C9: variants seen among roughly 807,000 people sequenced by gnomAD.
C9 encodes complement C9, also known as complement component C9.
Under a neutral mutation model 65.4 loss-of-function variants are expected in C9, and 63 were observed. That is an observed-to-expected ratio of 0.96 (90% CI 0.79 to 1.19). The LOEUF (loss-of-function observed/expected upper bound fraction) is 1.19. C9 is among the 50% of genes most tolerant of loss of function. The pLI, the probability that C9 is intolerant of heterozygous loss-of-function variation, is 0.00. For synonymous variants in C9, 229 were observed against 227.9 expected (o/e 1.00, Z -0.04); for missense variants, 744 against 670.1 (o/e 1.11, Z -1.22).
At chr5:39,320,896 T>C (rs1164087182) in intron 5 of C9, among the ~76,000 whole-genome samples, 1 of 152,016 alleles carries the variant, frequency 6.6e-6, no homozygotes, top group East Asian at 1.9e-4. Flanking sequence ...GAAAGAAAAA[T>C]AAACTGCCAA....
At chr5:39,348,295 A>C (rs1381344834) in intron 1 of C9, among the ~76,000 whole-genome samples, 5 of 152,224 alleles carry the variant, frequency 3.3e-5, no homozygotes, top group African/African-American at 1.2e-4. Flanking sequence ...AATATCCAGA[A>C]TCTACAAAGA....
rs546841287 is a variant in C9, at chr5:39,316,741, C to T, written c.616-712G>A. Among the ~76,000 whole-genome samples, 32 of 152,300 alleles carry T rather than the reference C, an allele frequency of 2.1e-4. No individual in the cohort carries two copies. In the South Asian group the frequency reaches 6.6e-3, roughly 32 times the overall value. ...ATGTACCACATTTTCTTTATCCACT[C>T]TATCATTGATGGGCGTTTGGGTTGA... On this transcript the variant is annotated intron_variant, in intron 5 of 10. Coordinates refer to ENST00000263408, the MANE Select transcript of C9 (RefSeq NM_001737.5).
intron 1 of C9, among the ~76,000 whole-genome samples, chr5:39,359,102 G>GTGTGTGTGTATATATATATATATA (rs1407613505): frequency 6.0e-4 from 62 of 103,662 alleles, no homozygotes; most frequent in Middle Eastern, 5.9e-3. Context: ...GTGTGTGTGT[G>GTGTGTGTGTATATATATATATATA]TATATATATA....
intron 8 of C9, 103 bp from the exon 9 acceptor site, chr5:39,306,895 A>G: frequency 1.3e-6 from 1 of 746,246 alleles, no homozygotes; most frequent in Admixed American, 2.2e-5. Flanking sequence ...TTTTAGTAAA[A>G]TACAGCCTAA....
chr5:39,345,271 G>C (rs1332928207), intron 1 of C9, among the ~76,000 whole-genome samples: 2 of 152,170 alleles, frequency 1.3e-5, no homozygotes, highest in Admixed American at 6.5e-5. Context: ...CTGTATTCAG[G>C]AGACCCATCT....
chr5:39,293,945 T>G (rs1009971267), intron 9 of C9, among the ~76,000 whole-genome samples: 1 of 151,924 alleles, frequency 6.6e-6, no homozygotes, highest in Non-Finnish European at 1.5e-5. Flanking sequence ...AACAATATGC[T>G]CCTGAATGAC....
intron 9 of C9, among the ~76,000 whole-genome samples, chr5:39,290,772 G>A (rs969411519): frequency 1.6e-4 from 25 of 151,772 alleles, no homozygotes; most frequent in African/African-American, 5.6e-4. Context: ...GAGAGACTAG[G>A]AGGTAGAGCA....
At chr5:39,331,278 CT>C (rs1753834468) in intron 5 of C9, among the ~76,000 whole-genome samples, 1 of 152,120 alleles carries the variant, frequency 6.6e-6, no homozygotes, top group African/African-American at 2.4e-5. Context: ...CAAGCAGGCT[CT>C]TCATAGGCGG....
intron 5 of C9, among the ~76,000 whole-genome samples, chr5:39,316,343 C>CT (rs370174427): frequency 6.6e-6 from 1 of 152,144 alleles, no homozygotes; most frequent in African/African-American, 2.4e-5. Context: ...GTATAGCAAA[C>CT]TTTTTTTTCA....
chr5:39,353,863 T>C (rs1754368412), intron 1 of C9, among the ~76,000 whole-genome samples: 1 of 152,130 alleles, frequency 6.6e-6, no homozygotes, highest in Non-Finnish European at 1.5e-5. Context: ...AAGGGTTTTT[T>C]TTTAAATGAA....
chr5:39,324,497 G>A (rs1753716867), intron 5 of C9, among the ~76,000 whole-genome samples: 1 of 152,080 alleles, frequency 6.6e-6, no homozygotes, highest in Admixed American at 6.5e-5. Flanking sequence ...CAGCGTAGAG[G>A]GCCACTTTCA....
intron 9 of C9, among the ~76,000 whole-genome samples, chr5:39,300,495 A>G (rs1753260286): frequency 6.6e-6 from 1 of 152,052 alleles, no homozygotes. Context: ...AAAAAGTCCA[A>G]CTAATCCAAA....
At chr5:39,314,295 C>A (rs746538358) in intron 6 of C9, among the ~76,000 whole-genome samples, 3 of 151,732 alleles carry the variant, frequency 2.0e-5, no homozygotes, top group Non-Finnish European at 4.4e-5. Flanking sequence ...ACTAAAAATA[C>A]AAAATTAGCC....
At chr5:39,363,004 G>C (rs917971112) in intron 1 of C9, among the ~76,000 whole-genome samples, 2 of 152,148 alleles carry the variant, frequency 1.3e-5, no homozygotes, top group African/African-American at 2.4e-5. Context: ...CAGGGGGTAC[G>C]CACTTCAAAG....
chr5:39,295,171 A>G (rs1753161482), intron 9 of C9, among the ~76,000 whole-genome samples: 1 of 151,692 alleles, frequency 6.6e-6, no homozygotes, highest in Non-Finnish European at 1.5e-5. Flanking sequence ...CACTCTCACC[A>G]CTCTTATTTA....
Position 39,348,043 on chromosome 5 carries a change from G to A in C9, c.78-5847C>T, listed in dbSNP as rs561331302. Among the ~76,000 whole-genome samples, 134 of 151,624 alleles carry A rather than the reference G, an allele frequency of 8.8e-4. 4 individuals are homozygous for A. In the South Asian group the frequency reaches 0.026, roughly 30 times the overall value. On this transcript the variant is annotated intron_variant, in intron 1 of 10. Transcript: ENST00000263408. The stretch of plus-strand genomic sequence containing the variant: ...TTCAAGATGGATTAAAGGCTTACAT[G>A]TTAGACCTAAAACCATAAAAACCTT...
At chr5:39,320,998 C>T (rs1387279793) in intron 5 of C9, among the ~76,000 whole-genome samples, 2 of 152,034 alleles carry the variant, frequency 1.3e-5, no homozygotes, top group Non-Finnish European at 2.9e-5. Context: ...AAGTTCATTA[C>T]CTCTAGACCT....
intron 5 of C9, among the ~76,000 whole-genome samples, chr5:39,320,801 A>C (rs1157096363): frequency 6.6e-6 from 1 of 152,202 alleles, no homozygotes; most frequent in Non-Finnish European, 1.5e-5. Context: ...GTCACATATG[A>C]GGGAGCTCAC....
intron 1 of C9, among the ~76,000 whole-genome samples, chr5:39,350,284 C>T (rs1168282001): frequency 1.3e-5 from 2 of 152,212 alleles, no homozygotes; most frequent in South Asian, 2.1e-4. Flanking sequence ...TTCCGACAGG[C>T]TCCTCCTTGA....
Sources: gnomAD v4.1 joint callset for allele counts (sites outside exome capture counted in the v4.1 genomes callset) on GRCh38, gnomAD v4.1.1 for gene constraint, MANE v1.5 for transcripts, NCBI Gene and HGNC (gene_info 2026-07-23, HGNC 2026-07-21) for gene names.